DCC: variants seen among roughly 807,000 people sequenced by gnomAD.
DCC encodes DCC netrin 1 receptor, also known as netrin receptor DCC.
Under a neutral mutation model 172.5 loss-of-function variants are expected in DCC, and 58 were observed. That is an observed-to-expected ratio of 0.34 (90% CI 0.27 to 0.42). The LOEUF (loss-of-function observed/expected upper bound fraction) is 0.42, where lower values mean the gene tolerates loss of function less well. DCC is among the 10% of genes least tolerant of loss of function. DCC has a pLI of 1.00. For missense variants in DCC, 1,740 were observed against 1,791.0 expected (o/e 0.97, Z 0.51); for synonymous variants, 709 against 644.5 (o/e 1.10, Z -1.52).
At chr18:53,022,537 A>ATGTGTG (rs1480008540) in intron 5 of DCC, among the ~76,000 whole-genome samples, 8 of 109,826 alleles carry the variant, frequency 7.3e-5, no homozygotes, top group African/African-American at 2.7e-4. Context: ...TTTTATATAT[A>ATGTGTG]TATGTGCGTG....
chr18:53,439,937 T>C (rs1912168821), intron 22 of DCC, among the ~76,000 whole-genome samples: 1 of 151,230 alleles, frequency 6.6e-6, no homozygotes, highest in African/African-American at 2.4e-5. Flanking sequence ...GCTAATTTTT[T>C]TGTATTTTTA....
rs1213009360 is a variant in DCC, at chr18:53,305,727, T to C, written c.2053+8T>C. The C allele has an allele frequency of 1.2e-6, 2 of 1,613,600 alleles. No individual in the cohort carries two copies. Among genetic ancestry groups the C allele is most frequent in the East Asian group, 2.2e-5 (1 of 44,886 alleles). On this transcript the variant is annotated splice_region_variant and intron_variant, in intron 13 of 28. Transcript: ENST00000442544. ...TCTGGTACCTATTCACAGGTCAGTG[T>C]TCACATGGTGTAGTCTTGCAAGGTT...
intron 13 of DCC, among the ~76,000 whole-genome samples, chr18:53,307,845 CT>C (rs1307456914): frequency 7.4e-6 from 1 of 135,668 alleles, no homozygotes. Flanking sequence ...TCATATACTG[CT>C]TGTGGGACAG....
intron 1 of DCC, among the ~76,000 whole-genome samples, chr18:52,448,310 T>C (rs1988189220): frequency 6.6e-6 from 1 of 152,176 alleles, no homozygotes; most frequent in South Asian, 2.1e-4. Flanking sequence ...AAAATTGTCT[T>C]CCACGAATTC....
chr18:52,446,509 G>GA (rs1988128164), intron 1 of DCC, among the ~76,000 whole-genome samples: 1 of 152,016 alleles, frequency 6.6e-6, no homozygotes, highest in Non-Finnish European at 1.5e-5. Context: ...ATGGGTTTTT[G>GA]ACCCTTCTAT....
intron 2 of DCC, among the ~76,000 whole-genome samples, chr18:52,860,116 C>G (rs2145359197): frequency 6.6e-6 from 1 of 152,212 alleles, no homozygotes; most frequent in South Asian, 2.1e-4. Flanking sequence ...TCTATGGAAA[C>G]TAAGAAAAAC....
At chr18:53,030,923 T>C (rs546772569) in intron 5 of DCC, among the ~76,000 whole-genome samples, 1 of 152,240 alleles carries the variant, frequency 6.6e-6, no homozygotes, top group African/African-American at 2.4e-5. Context: ...CATCCACAAA[T>C]GGGGCCACAT....
At chr18:52,868,053 A>ATATATATGTGTGTG (rs61579666) in intron 2 of DCC, among the ~76,000 whole-genome samples, 5 of 144,356 alleles carry the variant, frequency 3.5e-5, no homozygotes, top group African/African-American at 1.3e-4. Context: ...ATATATATAT[A>ATATATATGTGTGTG]TGTGTGTGTG....
At chr18:53,025,532 G>A (rs1368081757) in intron 5 of DCC, among the ~76,000 whole-genome samples, 1 of 152,190 alleles carries the variant, frequency 6.6e-6, no homozygotes, top group East Asian at 1.9e-4. Context: ...CTGTGATATG[G>A]AAGTCTAGCT....
intron 9 of DCC, among the ~76,000 whole-genome samples, chr18:53,186,755 A>C (rs1480143169): frequency 6.6e-6 from 1 of 152,162 alleles, no homozygotes; most frequent in Non-Finnish European, 1.5e-5. Flanking sequence ...TGACACTGTA[A>C]TTTATAAAGG....
intron 2 of DCC, among the ~76,000 whole-genome samples, chr18:52,778,926 C>G (rs1439752171): frequency 1.3e-5 from 2 of 152,174 alleles, no homozygotes; most frequent in African/African-American, 4.8e-5. Flanking sequence ...TAGGATCATA[C>G]TTTTCCCACT....
Position 52,443,005 on chromosome 18 carries a change from AT to A in DCC, c.91+102139del, listed in dbSNP as rs112940815. 3.8e-3 allele frequency among the ~76,000 whole-genome samples: 558 copies of A among 144,944 alleles called. 4 individuals are homozygous for A. The highest frequency in any genetic ancestry group is 0.026 in the South Asian group (117 of 4,564). On this transcript the variant is annotated intron_variant, in intron 1 of 28. Coordinates refer to ENST00000442544, the MANE Select transcript of DCC (RefSeq NM_005215.4). ...CCCAAGATTCCTTAACTTTCTTTCT[AT>A]TTTTTTTTTTTAGCAGAAGTTGAAA...
At chr18:52,622,294 A>G (rs1055895497) in intron 1 of DCC, among the ~76,000 whole-genome samples, 1 of 152,230 alleles carries the variant, frequency 6.6e-6, no homozygotes, top group Non-Finnish European at 1.5e-5. Context: ...GCTAAGAGGC[A>G]TAGAAGTTTC....
At chr18:53,434,610 A>G (rs924482141) in intron 21 of DCC, among the ~76,000 whole-genome samples, 1 of 152,102 alleles carries the variant, frequency 6.6e-6, no homozygotes, top group Middle Eastern at 3.2e-3. Context: ...TTGTGACATA[A>G]CCTCCACTCT....
chr18:53,512,589 G>C (rs1439146785), intron 27 of DCC, among the ~76,000 whole-genome samples: 2 of 150,538 alleles, frequency 1.3e-5, no homozygotes, highest in Non-Finnish European at 3.0e-5. Flanking sequence ...TGTATAACTA[G>C]AATAACCAAT....
chr18:52,368,621 GACTTTTTCCCA>G (rs1045676302), intron 1 of DCC, among the ~76,000 whole-genome samples: 2 of 152,178 alleles, frequency 1.3e-5, no homozygotes, highest in African/African-American at 4.8e-5. Context: ...GCTGATGGGT[GACTTTTTCCCA>G]CTGTTTTGGA....
chr18:53,279,939 G>T (rs1209424688), intron 12 of DCC, among the ~76,000 whole-genome samples: 2 of 151,980 alleles, frequency 1.3e-5, no homozygotes, highest in Non-Finnish European at 2.9e-5. Context: ...TCTACTTAAG[G>T]GTGGAAGGTA....
chr18:52,855,232 C>T (rs1409244731), intron 2 of DCC, among the ~76,000 whole-genome samples: 1 of 152,112 alleles, frequency 6.6e-6, no homozygotes, highest in African/African-American at 2.4e-5. Context: ...TCTCCTTATC[C>T]CAAGTTTTCA....
chr18:52,860,841 T>C (rs1598875734), intron 2 of DCC, among the ~76,000 whole-genome samples: 1 of 151,764 alleles, frequency 6.6e-6, no homozygotes, highest in Non-Finnish European at 1.5e-5. Context: ...CTACTAAAAA[T>C]ACAGAAAGTG....
Sources: gnomAD v4.1 joint callset for allele counts (sites outside exome capture counted in the v4.1 genomes callset) on GRCh38, gnomAD v4.1.1 for gene constraint, MANE v1.5 for transcripts, NCBI Gene and HGNC (gene_info 2026-07-23, HGNC 2026-07-21) for gene names.